Variants in INTS1 observed in about 807,000 individuals in gnomAD.
The protein encoded by INTS1 is integrator complex subunit 1.
INTS1 carries 137 observed loss-of-function variants against 241.6 expected under a neutral mutation model. That is an observed-to-expected ratio of 0.57 (90% CI 0.49 to 0.65). The LOEUF (loss-of-function observed/expected upper bound fraction) is 0.65, where lower values mean the gene tolerates loss of function less well. Ranked by LOEUF, INTS1 falls within the 30% of genes least tolerant of loss-of-function variation. The pLI is 0.00. For synonymous variants in INTS1, 1,692 were observed against 1,337.8 expected, an observed-to-expected ratio of 1.26 and a Z score of -5.78; for missense variants, 3,073 against 3,032.2, an observed-to-expected ratio of 1.01 and a Z score of -0.32.
chr7:1,497,394 G>T lies in INTS1; in HGVS notation c.1426-80C>A, dbSNP rs1782916394. The T allele has an allele frequency of 1.4e-6, 2 of 1,461,580 alleles. No homozygotes were observed. Among genetic ancestry groups the T allele is most frequent in the African/African-American group, 2.8e-5 (2 of 71,050 alleles). The allele number at this position is 1,461,580 out of a possible 1,614,324, so 90.5% of individuals were successfully genotyped here. On this transcript the variant is annotated intron_variant, in intron 10 of 47. Transcript: ENST00000404767. The surrounding 1 kb of genome is among the most constrained non-coding windows in gnomAD (Gnocchi z 5.3). Reference sequence around the variant, plus strand: ...AGGCCCCTTCCCGCAGCACCAACAGGTATGGCGCCCGAGGGCGCTGCAGTG... The same window carrying T: ...AGGCCCCTTCCCGCAGCACCAACAGTTATGGCGCCCGAGGGCGCTGCAGTG...
intron 47 of INTS1, 46 bp downstream of exon 47, chr7:1,470,800 C>A: frequency 6.7e-7 from 1 of 1,499,608 alleles, no homozygotes. Flanking sequence ...GCACCTCCGG[C>A]CTCCCCGAGG....
At position 1,486,733 on chromosome 7, in the gene INTS1, G is replaced by C. The variant is rs1367673450; in HGVS notation, c.2868C>G (p.Asp956Glu). 4 of 1,612,592 alleles carry C rather than the reference G, an allele frequency of 2.5e-6. No homozygotes were observed. Among genetic ancestry groups the C allele is most frequent in the Non-Finnish European group, 2.5e-6 (3 of 1,179,788 alleles). Residue 956 changes from aspartate to glutamate, a missense_variant, in exon 22 of 48, where the codon GAC (aspartate) becomes GAG (glutamate). Asp to Glu is a conservative substitution (Grantham distance 45, BLOSUM62 2). Coordinates refer to ENST00000404767, the MANE Select transcript of INTS1 (RefSeq NM_001080453.3). ...KQRQLLGRLQDLLLGPKADEQ... is the reference protein window; with the variant it reads ...KQRQLLGRLQELLLGPKADEQ... Reference sequence around the variant, plus strand: ...CATCAGCCTTCGGGCCCAGTAGCAGGTCCTGCAGGCGGCCCAGCAGCTGCC... The same window carrying C: ...CATCAGCCTTCGGGCCCAGTAGCAGCTCCTGCAGGCGGCCCAGCAGCTGCC...
intron 35 of INTS1, 32 bp from the exon 36 acceptor site, chr7:1,476,950 C>T (rs1188006999): frequency 1.3e-6 from 2 of 1,593,064 alleles, no homozygotes; most frequent in African/African-American, 1.3e-5. Context: ...CGGATGGCCT[C>T]ACCTGGGCCA....
chr7:1,494,004 A>G (rs1782724981), intron 14 of INTS1, 93 bp from the exon 15 acceptor site: 2 of 1,428,698 alleles, frequency 1.4e-6, no homozygotes, highest in Non-Finnish European at 1.9e-6. Flanking sequence ...CTCAGAGCCC[A>G]CGGGCTGGTG....
rs780019350 is a variant in INTS1, at chr7:1,487,172, C to A, written c.2647-71G>T. The A allele has an allele frequency of 3.1e-4, 476 of 1,519,762 alleles. 1 individual carries two copies. The highest frequency in any genetic ancestry group is 4.1e-4 in the Non-Finnish European group (468 of 1,128,834). 94.1% of individuals were successfully genotyped at this position (1,519,762 alleles called of 1,614,324 possible). On this transcript the variant is annotated intron_variant, in intron 20 of 47. Coordinates refer to ENST00000404767, the MANE Select transcript of INTS1 (RefSeq NM_001080453.3). ...CACCTGCCGCCAGCCCCCCGGGTGA[C>A]CGCGGAGCCGGAAAGGGCGACACGC...
chr7:1,476,164 G>A (rs1054294911), intron 38 of INTS1, 65 bp downstream of exon 38: 1 of 1,526,122 alleles, frequency 6.6e-7, no homozygotes, highest in Non-Finnish European at 8.8e-7. Context: ...CCCACCCAGG[G>A]CTGGGCCTCG....
intron 44 of INTS1, 161 bp downstream of exon 44, chr7:1,472,112 C>T (rs1781497197): frequency 1.6e-6 from 1 of 624,440 alleles, no homozygotes; most frequent in East Asian, 2.8e-5. Context: ...AAGGCCCTCT[C>T]TGGGGGTGCT....
At chr7:1,482,916 G>A (rs1330859131) in intron 26 of INTS1, 2 of 587,936 alleles carry the variant, frequency 3.4e-6, no homozygotes, top group East Asian at 2.9e-5. Flanking sequence ...GCTGCAGGAA[G>A]GCAAGCAGCA....
Position 1,504,310 on chromosome 7 carries a change from G to A in INTS1, c.-42+13C>T. ...CCGGCAATGAGGAAGCGCCCAGGCC[G>A]CGGCTCACTTACCTCTGGCCCATCG... On this transcript the variant is annotated intron_variant, in intron 1 of 47. Transcript: ENST00000404767. 2 of 537,930 alleles carry A rather than the reference G, an allele frequency of 3.7e-6. No homozygotes were observed. Among genetic ancestry groups the A allele is most frequent in the Admixed American group, 2.3e-5 (1 of 43,736 alleles). The allele number at this position is 537,930 out of a possible 1,614,324, so 33.3% of individuals were successfully genotyped here. A position where few individuals can be genotyped will look rare whatever the true frequency, so the allele number is the denominator to read the frequency against.
At chr7:1,479,781 C>A in intron 30 of INTS1, 97 bp from the exon 31 acceptor site, 1 of 1,281,600 alleles carries the variant, frequency 7.8e-7, no homozygotes. Context: ...GTGCCAGAAC[C>A]GCGTCCCATC....
Position 1,476,628 on chromosome 7 carries a change from A to G in INTS1, c.5093T>C (p.Leu1698Pro), listed in dbSNP as rs1178189401. ...GCGAGGAACATGGATGCAGGCCCAG[A>G]GGAAGTCCAGAGAGGCAGAGGGGTC... ...RFDPSASLDF[L>P]WACIHVPRIW... Residue 1698 changes from leucine to proline, a missense_variant, in exon 37 of 48, where the codon CTC becomes CCC. Leu to Pro is a moderately conservative substitution (Grantham distance 98, BLOSUM62 -3). Transcript: ENST00000404767. 3 of 1,612,592 alleles carry G rather than the reference A, an allele frequency of 1.9e-6. No homozygotes were observed. Among genetic ancestry groups the G allele is most frequent in the East Asian group, 2.2e-5 (1 of 44,854 alleles).
rs973930112 is a variant in INTS1, at chr7:1,481,858, C to G, written c.3704-370G>C. Among the ~76,000 whole-genome samples the G allele has an allele frequency of 6.6e-5, 10 of 152,122 alleles. No individual in the cohort carries two copies. The highest frequency in any genetic ancestry group is 1.3e-4 in the Non-Finnish European group (9 of 67,996). On this transcript the variant is annotated intron_variant, in intron 27 of 47. Coordinates refer to ENST00000404767, the MANE Select transcript of INTS1 (RefSeq NM_001080453.3). This position sits in a 1 kb window ranked among gnomAD's most constrained non-coding sequence, Gnocchi z 6.8. ...GCAGCGTGTCGGGACCACCTTGCAC[C>G]CTGGATGGCAGCTGTGTGGGCCCCA...
rs1782461570 is a variant in INTS1 at position 1,489,829 on chromosome 7, T to C, written c.2166-147A>G. 5 of 589,332 alleles carry C rather than the reference T, an allele frequency of 8.5e-6. No homozygotes were observed. The East Asian group carries it at 1.1e-4, about 13-fold the overall frequency. 36.5% of individuals were successfully genotyped at this position (589,332 alleles called of 1,614,324 possible). On this transcript the variant is annotated intron_variant, in intron 16 of 47. Transcript: ENST00000404767. ...CCCTCCAGTGACACCTGTCCAAGCA[T>C]GTGCATCAGCCTGGCTCTGGGCTCC...
chr7:1,499,729 C>T, intron 5 of INTS1, 97 bp from the exon 6 acceptor site: 1 of 1,478,660 alleles, frequency 6.8e-7, no homozygotes, highest in Non-Finnish European at 9.1e-7. Flanking sequence ...GCCCAGGCGG[C>T]CCTCTCCAGC....
Position 1,470,911 on chromosome 7 carries a change from C to A in INTS1, c.6392G>T (p.Ser2131Ile). 2 of 1,588,344 alleles carry A rather than the reference C, an allele frequency of 1.3e-6. No homozygotes were observed. The highest frequency in any genetic ancestry group is 2.3e-5 in the East Asian group (1 of 43,286). Residue 2131 changes from serine (S) to isoleucine (I), a missense_variant, in exon 47 of 48, where the codon AGC (serine) becomes ATC (isoleucine). By Grantham distance (142) the Ser-to-Ile change is moderately radical. Coordinates refer to ENST00000404767, the MANE Select transcript of INTS1 (RefSeq NM_001080453.3). The part of the protein sequence containing the change: ...FLPTFMYCLG[S>I]QDFEVVQTAL... ...CGTCTGCACCACCTCAAAGTCCTGG[C>A]TGCCCAGGCAGTACATGAACGTGGG...
intron 9 of INTS1, 58 bp downstream of exon 9, chr7:1,498,649 C>A: frequency 2.0e-6 from 3 of 1,527,202 alleles, no homozygotes; most frequent in Non-Finnish European, 1.8e-6. Context: ...TCCGCCCACA[C>A]CCCCACCCAC....
rs1256726478 is a variant in INTS1 at position 1,487,770 on chromosome 7, G to T, written c.2506C>A (p.Leu836Met). ...SSLLLSQLTSLDPQGPPRRPP... is the reference protein window; with the variant it reads ...SSLLLSQLTSMDPQGPPRRPP... ...GTGTGGGCTGCGTACTGGGGGTCCA[G>T]GCTGGTGAGCTGCGACAGGAGGAGG... The change falls in exon 19 of 48, where the codon CTG (leucine) becomes ATG (methionine). Residue 836 changes from leucine (L) to methionine (M), a missense_variant. Leu to Met is a conservative substitution (Grantham distance 15). Coordinates refer to ENST00000404767, the MANE Select transcript of INTS1 (RefSeq NM_001080453.3). The T allele has an allele frequency of 1.9e-6, 3 of 1,608,714 alleles. No homozygotes were observed. Among genetic ancestry groups the T allele is most frequent in the Middle Eastern group, 1.7e-4 (1 of 6,056 alleles).
chr7:1,475,153 G>A (rs1781650618), intron 39 of INTS1, among the ~76,000 whole-genome samples: 1 of 152,212 alleles, frequency 6.6e-6, no homozygotes, highest in South Asian at 2.1e-4. Context: ...TGAGGCCGCG[G>A]CAGAAGATCA....
chr7:1,485,143 C>T lies in INTS1; in HGVS notation c.3216G>A (p.Gln1072=). ...TISAYLIYLS[Q]HTPVEEQAQH... Reference sequence around the variant, plus strand: ...GGGCCTGCTCCTCCACAGGCGTGTGCTGGGACAAGTAGATCAGGTAGGCGC... The same window carrying T: ...GGGCCTGCTCCTCCACAGGCGTGTGTTGGGACAAGTAGATCAGGTAGGCGC... Residue 1072 remains glutamine, a synonymous_variant, in exon 24 of 48, where the codon CAG becomes CAA. Coordinates refer to ENST00000404767, the MANE Select transcript of INTS1 (RefSeq NM_001080453.3). The T allele has an allele frequency of 6.2e-7, 1 of 1,601,254 alleles. No individual in the cohort carries two copies. Among genetic ancestry groups the T allele is most frequent in the Non-Finnish European group, 8.5e-7 (1 of 1,179,640 alleles).
Sources: gnomAD v4.1 joint callset for allele counts (sites outside exome capture counted in the v4.1 genomes callset) on GRCh38, gnomAD v4.1.1 for gene constraint, Gnocchi (gnomAD v3.1) non-coding constraint, MANE v1.5 for transcripts, NCBI Gene and HGNC (gene_info 2026-07-23, HGNC 2026-07-21) for gene names.